ANKRD40: variants seen among roughly 807,000 people sequenced by gnomAD.
The protein encoded by ANKRD40 is ankyrin repeat domain-containing protein 40.
Under a neutral mutation model 35.5 loss-of-function variants are expected in ANKRD40, and 24 were observed. That is an observed-to-expected ratio of 0.68 (90% confidence interval 0.49 to 0.95). ANKRD40 has a LOEUF of 0.95. Ranked by LOEUF, ANKRD40 falls within the 40% of genes least tolerant of loss-of-function variation. The pLI is 0.00. For missense variants in ANKRD40, 361 were observed against 436.0 expected (o/e 0.83, Z 1.53); for synonymous variants, 147 against 173.5 (o/e 0.85, Z 1.20).
chr17:50,698,105 C>T (rs969199038), intron 3 of ANKRD40, among the ~76,000 whole-genome samples: 2 of 151,902 alleles, frequency 1.3e-5, no homozygotes, highest in East Asian at 1.9e-4. Context: ...ATACCATTCT[C>T]GGTGGGCCCA....
intron 2 of ANKRD40, 62 bp downstream of exon 2, chr17:50,700,506 A>G: frequency 7.7e-6 from 12 of 1,551,918 alleles, no homozygotes; most frequent in Non-Finnish European, 9.7e-6. Flanking sequence ...AACGTAGCCA[A>G]TAATACCACA....
chr17:50,705,522 A>T (rs1018644661), intron 1 of ANKRD40, among the ~76,000 whole-genome samples: 8 of 151,142 alleles, frequency 5.3e-5, no homozygotes, highest in East Asian at 1.9e-4. Context: ...GTAGAAAAAA[A>T]TTTTTTTTTG....
chr17:50,698,160 CA>C (rs1171857693), intron 3 of ANKRD40, among the ~76,000 whole-genome samples: 3 of 151,588 alleles, frequency 2.0e-5, no homozygotes, highest in Non-Finnish European at 4.4e-5. Context: ...CATTCTCCAC[CA>C]AAAAGAACCA....
At chr17:50,705,222 C>G (rs767000890) in intron 1 of ANKRD40, among the ~76,000 whole-genome samples, 1 of 151,154 alleles carries the variant, frequency 6.6e-6, no homozygotes, top group African/African-American at 2.4e-5. Context: ...GCTCACAATA[C>G]TCTTCTGGAA....
intron 1 of ANKRD40, among the ~76,000 whole-genome samples, chr17:50,706,278 C>T (rs574852903): frequency 1.3e-5 from 2 of 151,698 alleles, no homozygotes; most frequent in Admixed American, 6.6e-5. Context: ...TGCACCACCA[C>T]GCCCAGCTAA....
At chr17:50,704,422 A>G (rs1172756713) in intron 1 of ANKRD40, among the ~76,000 whole-genome samples, 1 of 149,738 alleles carries the variant, frequency 6.7e-6, no homozygotes, top group Non-Finnish European at 1.5e-5. Context: ...AGGATGAGGC[A>G]GGAGAATCGC....
At chr17:50,701,181 A>G (rs1453635555) in intron 1 of ANKRD40, 1 of 152,554 alleles carries the variant, frequency 6.6e-6, no homozygotes, top group East Asian at 1.9e-4. Flanking sequence ...TGTCACTTAA[A>G]TTATTATTAT....
At chr17:50,697,236 T>C in intron 3 of ANKRD40, 115 bp from the exon 4 acceptor site, 1 of 1,015,600 alleles carries the variant, frequency 9.8e-7, no homozygotes, top group Non-Finnish European at 1.4e-6. Flanking sequence ...CTGTGCATGA[T>C]TAACAGACCT....
At chr17:50,703,013 T>C (rs1968288422) in intron 1 of ANKRD40, among the ~76,000 whole-genome samples, 1 of 152,208 alleles carries the variant, frequency 6.6e-6, no homozygotes, top group Non-Finnish European at 1.5e-5. Context: ...AGTCAAAATA[T>C]CTTATTAGTG....
At chr17:50,700,994 C>T (rs965875273) in intron 1 of ANKRD40, 24 of 308,538 alleles carry the variant, frequency 7.8e-5, no homozygotes, top group Middle Eastern at 1.1e-3. Context: ...GGCTGGCTAA[C>T]TCCAATGATA....
At chr17:50,705,148 A>C (rs1355067027) in intron 1 of ANKRD40, among the ~76,000 whole-genome samples, 1 of 150,794 alleles carries the variant, frequency 6.6e-6, no homozygotes, top group Non-Finnish European at 1.5e-5. Flanking sequence ...AAAGAACCCT[A>C]TCCTATCTGT....
intron 1 of ANKRD40, among the ~76,000 whole-genome samples, chr17:50,704,313 G>A (rs746321893): frequency 6.6e-5 from 10 of 151,988 alleles, no homozygotes; most frequent in Admixed American, 1.3e-4. Flanking sequence ...TCAGGAGTTC[G>A]AGACCAGCTT....
chr17:50,697,246 T>C lies in ANKRD40; in HGVS notation c.779-125A>G, dbSNP rs1039160020. 140 of 957,404 alleles carry C rather than the reference T, an allele frequency of 1.5e-4. 1 individual carries two copies. In the African/African-American group the frequency reaches 2.2e-3, roughly 15 times the overall value. The allele number at this position is 957,404 out of a possible 1,614,324, so 59.3% of individuals were successfully genotyped here. On this transcript the variant is annotated intron_variant, in intron 3 of 4. Transcript: ENST00000285243. ...AAGGTCTGTGCATGATTAACAGACC[T>C]GTTTGGTGGGAAAACCAAGTGCAGC...
rs778106424 is a variant in ANKRD40 at position 50,707,605 on chromosome 17, G to A, written c.50C>T (p.Ala17Val). The A allele has an allele frequency of 6.2e-7, 1 of 1,602,348 alleles. No homozygotes were observed. ...CTCCCGAATGTCCCCTAAGGCCGCG[G>A]CCTCCCGCAGCCTCTCCTGCTGCTC... The part of the protein sequence containing the change: ...QKEQQERLRE[A>V]AALGDIREVQ... The change falls in exon 1 of 5, where the codon GCC (alanine) becomes GTC (valine). Residue 17 changes from alanine to valine, a missense_variant. Ala to Val is a moderately conservative substitution (Grantham distance 64). Around this residue, in one of 5 missense-constraint regions of ANKRD40, gnomAD observed 56 missense variants for 47.1 expected, o/e 1.19. Coordinates refer to ENST00000285243, the MANE Select transcript of ANKRD40 (RefSeq NM_052855.4). This position sits in a 1 kb window ranked among gnomAD's most constrained non-coding sequence, Gnocchi z 4.8.
rs1174564647 is a variant in ANKRD40, at chr17:50,693,442, CT to C, written c.*2554del. The C allele has an allele frequency of 6.6e-6, 1 of 152,248 alleles. No individual in the cohort carries two copies. The highest frequency in any genetic ancestry group is 1.5e-5 in the Non-Finnish European group (1 of 68,046). 9.4% of individuals were successfully genotyped at this position (152,248 alleles called of 1,614,324 possible). On this transcript the variant is annotated 3_prime_UTR_variant, in exon 5 of 5. Coordinates refer to ENST00000285243, the MANE Select transcript of ANKRD40 (RefSeq NM_052855.4). ...AGACTTTAAACTCACCTACCAGCAACTGTGCAGTCTTATTCCACTGCGATAC... is the reference window on the plus strand; with the variant it reads ...AGACTTTAAACTCACCTACCAGCAACGTGCAGTCTTATTCCACTGCGATAC...
Position 50,695,986 on chromosome 17 carries a change from TCC to T in ANKRD40, c.*9_*10del, listed in dbSNP as rs770602603. ...CTGTCATAATACTCAGTGATAAAAG[TCC>T]CTGCTGCATTAGTAAGTCAGTTTTG... On this transcript the variant is annotated 3_prime_UTR_variant, in exon 5 of 5. Coordinates refer to ENST00000285243, the MANE Select transcript of ANKRD40 (RefSeq NM_052855.4). The T allele has an allele frequency of 6.2e-7, 1 of 1,613,790 alleles. No homozygotes were observed. The highest frequency in any genetic ancestry group is 1.1e-5 in the South Asian group (1 of 91,060).
intron 3 of ANKRD40, among the ~76,000 whole-genome samples, chr17:50,697,578 A>G (rs543971037): frequency 6.6e-6 from 1 of 152,290 alleles, no homozygotes; most frequent in East Asian, 1.9e-4. Context: ...AAAATATGAA[A>G]CTCCTTGCAA....
intron 1 of ANKRD40, chr17:50,700,964 C>A: frequency 2.7e-6 from 1 of 365,876 alleles, no homozygotes; most frequent in Admixed American, 4.0e-5. Context: ...TTTCAATAGC[C>A]TCCAGAAGGT....
intron 4 of ANKRD40, 115 bp downstream of exon 4, chr17:50,696,824 CT>C: frequency 3.1e-6 from 3 of 965,482 alleles, no homozygotes; most frequent in Middle Eastern, 7.1e-4. Context: ...TGGAAAATCA[CT>C]CTTTGCTCCT....
Sources: gnomAD v4.1 joint callset for allele counts (sites outside exome capture counted in the v4.1 genomes callset) on GRCh38, gnomAD v4.1.1 for gene constraint, gnomAD v4.1.1 regional missense constraint, Gnocchi (gnomAD v3.1) non-coding constraint, MANE v1.5 for transcripts, NCBI Gene and HGNC (gene_info 2026-07-23, HGNC 2026-07-21) for gene names.